EPB41L5: variants seen among roughly 807,000 people sequenced by gnomAD.
EPB41L5 encodes band 4.1-like protein 5.
A neutral mutation model predicts 106.6 loss-of-function variants in EPB41L5; 55 were observed. The observed-to-expected ratio is 0.52, with a 90% CI of 0.42 to 0.65. EPB41L5 has a LOEUF of 0.65. Among genes scored for constraint, EPB41L5 ranks in the 30% least tolerant of loss-of-function variants. EPB41L5 has a pLI of 0.00. For synonymous variants in EPB41L5, 297 were observed against 306.7 expected, an observed-to-expected ratio of 0.97 and a Z score of 0.33; for missense variants, 871 against 882.1, an observed-to-expected ratio of 0.99 and a Z score of 0.16.
intron 24 of EPB41L5, among the ~76,000 whole-genome samples, chr2:120,173,648 T>C (rs1687790130): frequency 6.6e-6 from 1 of 152,256 alleles, no homozygotes; most frequent in African/African-American, 2.4e-5. Context: ...TTTTAAGTTA[T>C]GTCCTTTGTA....
intron 7 of EPB41L5, 28 bp from the exon 8 acceptor site, chr2:120,076,943 A>C: frequency 1.3e-6 from 2 of 1,565,106 alleles, no homozygotes; most frequent in Non-Finnish European, 1.7e-6. Flanking sequence ...CAGGAAATAC[A>C]TATAACTTTT....
chr2:120,118,520 C>G (rs1685058156), intron 16 of EPB41L5, among the ~76,000 whole-genome samples: 1 of 152,060 alleles, frequency 6.6e-6, no homozygotes, highest in African/African-American at 2.4e-5. Context: ...CCCCACACCC[C>G]CGACAGGCCC....
chr2:120,174,884 T>A lies in EPB41L5; in HGVS notation c.2179T>A (p.Cys727Ser). 7 of 1,614,210 alleles carry A rather than the reference T, an allele frequency of 4.3e-6. No homozygotes were observed. Among genetic ancestry groups the A allele is most frequent in the Non-Finnish European group, 5.9e-6 (7 of 1,180,032 alleles). Residue 727 changes from cysteine to serine, a missense_variant, in exon 25 of 25, where the codon TGT (cysteine) becomes AGT (serine). Transcript: ENST00000263713. ...AGAAGAAGCTGTCCTGAAGCAGAAG[T>A]GTTTACTGACCACTGAGCTCTGAGG... The part of the protein sequence containing the change: ...LAEEAVLKQK[C>S]LLTTEL
chr2:120,143,464 A>G (rs956502563), intron 19 of EPB41L5, among the ~76,000 whole-genome samples: 2 of 152,144 alleles, frequency 1.3e-5, no homozygotes, highest in South Asian at 2.1e-4. Flanking sequence ...TGTTTATGTA[A>G]TTAGCAAAAA....
At chr2:120,105,973 G>T (rs745860602) in intron 16 of EPB41L5, 44 of 985,164 alleles carry the variant, frequency 4.5e-5, no homozygotes, top group Non-Finnish European at 5.3e-5. Flanking sequence ...TGTAAGATTT[G>T]ACTTCACTCA....
At chr2:120,130,129 G>A (rs1171505998) in intron 17 of EPB41L5, among the ~76,000 whole-genome samples, 1 of 136,076 alleles carries the variant, frequency 7.3e-6, no homozygotes, top group Admixed American at 8.0e-5. Flanking sequence ...CTGGGCAAGA[G>A]TGAGACTCCA....
At chr2:120,020,131 T>G (rs1677823603) in intron 2 of EPB41L5, among the ~76,000 whole-genome samples, 1 of 152,182 alleles carries the variant, frequency 6.6e-6, no homozygotes, top group African/African-American at 2.4e-5. Context: ...TAACGGTAAA[T>G]TACATCATTT....
At chr2:120,138,183 A>G (rs1184209722) in intron 18 of EPB41L5, among the ~76,000 whole-genome samples, 1 of 151,968 alleles carries the variant, frequency 6.6e-6, no homozygotes, top group Non-Finnish European at 1.5e-5. Context: ...AAAAAAAACT[A>G]AAAAAACTGG....
chr2:120,105,428 G>T (rs918070792), intron 16 of EPB41L5: 27 of 985,130 alleles, frequency 2.7e-5, no homozygotes, highest in Non-Finnish European at 3.3e-5. Context: ...ATAGAGGTTG[G>T]TTTTATATCT....
chr2:120,152,439 A>G (rs1476165866), intron 20 of EPB41L5, among the ~76,000 whole-genome samples: 1 of 152,100 alleles, frequency 6.6e-6, no homozygotes, highest in Admixed American at 6.5e-5. Flanking sequence ...TTTTGTATAT[A>G]TATTCATCAG....
intron 18 of EPB41L5, among the ~76,000 whole-genome samples, chr2:120,135,524 G>T (rs1422154603): frequency 1.3e-5 from 2 of 152,048 alleles, no homozygotes; most frequent in African/African-American, 4.8e-5. Context: ...CAATGTTAAA[G>T]AATCCTAAAA....
intron 3 of EPB41L5, among the ~76,000 whole-genome samples, chr2:120,056,018 A>G (rs921907671): frequency 1.3e-5 from 2 of 151,984 alleles, no homozygotes; most frequent in South Asian, 4.1e-4. Flanking sequence ...CATATTCCTG[A>G]TCTTAGTGGG....
chr2:120,047,855 G>A (rs975152075), intron 3 of EPB41L5, among the ~76,000 whole-genome samples: 1 of 152,204 alleles, frequency 6.6e-6, no homozygotes, highest in Non-Finnish European at 1.5e-5. Flanking sequence ...AGTTTATTGG[G>A]AGTTTTTAGC....
At chr2:120,055,919 GT>G in intron 3 of EPB41L5, among the ~76,000 whole-genome samples, 1 of 152,178 alleles carries the variant, frequency 6.6e-6, no homozygotes, top group African/African-American at 2.4e-5. Context: ...GATGTCTTGT[GT>G]TTTTTTCTTT....
intron 18 of EPB41L5, among the ~76,000 whole-genome samples, chr2:120,138,067 A>G (rs1207231229): frequency 6.6e-6 from 1 of 152,114 alleles, no homozygotes; most frequent in Non-Finnish European, 1.5e-5. Context: ...AAATCAATCA[A>G]GGGTGATACA....
At chr2:120,043,003 G>T (rs948209550) in intron 3 of EPB41L5, among the ~76,000 whole-genome samples, 1 of 17,854 alleles carries the variant, frequency 5.6e-5, no homozygotes, top group African/African-American at 1.1e-4. Flanking sequence ...AAATGTGTGT[G>T]TGTGTGTGTG....
intron 5 of EPB41L5, 90 bp downstream of exon 5, chr2:120,074,268 A>G (rs991213223): frequency 1.1e-6 from 1 of 951,306 alleles, no homozygotes; most frequent in Admixed American, 2.6e-5. Context: ...GCCAGCTAAT[A>G]AAATGGATTC....
intron 10 of EPB41L5, among the ~76,000 whole-genome samples, chr2:120,085,519 A>G (rs1450582454): frequency 6.6e-6 from 1 of 152,154 alleles, no homozygotes; most frequent in African/African-American, 2.4e-5. Flanking sequence ...GTGTGCCACT[A>G]CTGGAGGGTG....
intron 18 of EPB41L5, among the ~76,000 whole-genome samples, chr2:120,142,121 A>T (rs1235601543): frequency 6.7e-6 from 1 of 149,232 alleles, no homozygotes; most frequent in South Asian, 2.1e-4. Context: ...TTTAAAAAAA[A>T]AAAAAAAAAA....
Sources: allele counts gnomAD v4.1 joint callset (sites outside exome capture counted in the v4.1 genomes callset), GRCh38; gene constraint gnomAD v4.1.1; transcripts MANE v1.5; gene names NCBI Gene and HGNC (gene_info 2026-07-23, HGNC 2026-07-21).